TGM6: variants seen among roughly 807,000 people sequenced by gnomAD.
TGM6 encodes transglutaminase 6, also known as protein-glutamine gamma-glutamyltransferase 6.
Under a neutral mutation model 77.5 loss-of-function variants are expected in TGM6, and 74 were observed. That is an observed-to-expected ratio of 0.96 (90% CI 0.79 to 1.16). The LOEUF is 1.16. TGM6 is among the 50% of genes most tolerant of loss of function. TGM6 has a pLI of 0.00. For missense variants in TGM6, 968 were observed against 940.2 expected, an observed-to-expected ratio of 1.03 and a Z score of -0.39; for synonymous variants, 383 against 378.9, an observed-to-expected ratio of 1.01 and a Z score of -0.12.
In TGM6 at chr20:2,403,790, G is replaced by T. The variant is rs769042038; in HGVS notation, c.1303G>T (p.Val435Leu). 1 of 1,614,044 alleles carries T rather than the reference G, an allele frequency of 6.2e-7. No individual in the cohort carries two copies. The highest frequency in any genetic ancestry group is 8.5e-7 in the Non-Finnish European group (1 of 1,180,050). Residue 435 changes from valine (V) to leucine (L), a missense_variant, in exon 9 of 13, where the codon GTG becomes TTG. Coordinates refer to ENST00000202625, the MANE Select transcript of TGM6 (RefSeq NM_198994.3). ...CAAGGCGGTGGGCAGTGACTCCCGCGTGGACATCACTGACCTCTACAAGTA... is the reference window on the plus strand; with the variant it reads ...CAAGGCGGTGGGCAGTGACTCCCGCTTGGACATCACTGACCTCTACAAGTA... The part of the protein sequence containing the change: ...STKAVGSDSR[V>L]DITDLYKYPE...
At chr20:2,417,628 G>A (rs1296645827) in intron 10 of TGM6, 55 bp downstream of exon 10, 2 of 1,530,230 alleles carry the variant, frequency 1.3e-6, no homozygotes, top group African/African-American at 2.7e-5. Flanking sequence ...TTTTCAGGAG[G>A]GTTGTGGAGG....
At chr20:2,418,888 A>G (rs2084836571) in intron 10 of TGM6, among the ~76,000 whole-genome samples, 1 of 151,880 alleles carries the variant, frequency 6.6e-6, no homozygotes, top group Non-Finnish European at 1.5e-5. Flanking sequence ...CATCCTGGCT[A>G]ACACAGTGAA....
At chr20:2,386,202 C>T (rs760259216) in intron 1 of TGM6, among the ~76,000 whole-genome samples, 30 of 152,228 alleles carry the variant, frequency 2.0e-4, no homozygotes, top group African/African-American at 6.7e-4. Context: ...CTGAAATCAC[C>T]GGTAGTTCCC....
intron 10 of TGM6, among the ~76,000 whole-genome samples, chr20:2,428,514 G>T (rs1694678366): frequency 6.6e-6 from 1 of 152,122 alleles, no homozygotes; most frequent in Non-Finnish European, 1.5e-5. Flanking sequence ...CGCTGATGCT[G>T]CTGGTCCCAG....
intron 1 of TGM6, among the ~76,000 whole-genome samples, chr20:2,393,358 T>C (rs2084641012): frequency 6.6e-6 from 1 of 152,176 alleles, no homozygotes; most frequent in Non-Finnish European, 1.5e-5. Flanking sequence ...GTTGGTGATT[T>C]CTCTGTTTAA....
rs754053350 is a variant in TGM6, at chr20:2,403,517, G to A, written c.1093+17G>A. On this transcript the variant is annotated intron_variant, in intron 8 of 12. Transcript: ENST00000202625. ...AGAGTGAAGGTACGCTCAATTGGGT[G>A]GGGTAAGTTCCAGACCCCTGCTTTT... The A allele has an allele frequency of 1.2e-6, 2 of 1,614,140 alleles. No individual in the cohort carries two copies. The highest frequency in any genetic ancestry group is 4.5e-5 in the East Asian group (2 of 44,872).
chr20:2,429,762 C>T (rs538531315), intron 10 of TGM6, among the ~76,000 whole-genome samples: 4 of 150,964 alleles, frequency 2.6e-5, no homozygotes, highest in African/African-American at 4.9e-5. Flanking sequence ...AGCGAGACTC[C>T]GTCTCCAAAA....
At chr20:2,390,724 G>T (rs1237964434) in intron 1 of TGM6, among the ~76,000 whole-genome samples, 1 of 152,198 alleles carries the variant, frequency 6.6e-6, no homozygotes, top group East Asian at 1.9e-4. Flanking sequence ...GAGAGTAGGG[G>T]TGATTTGCAA....
chr20:2,403,956 T>C (rs1384790056), intron 9 of TGM6, 133 bp downstream of exon 9: 1 of 1,449,484 alleles, frequency 6.9e-7, no homozygotes, highest in Non-Finnish European at 9.5e-7. Flanking sequence ...ATTCACGTTG[T>C]CTCTGTGCTC....
intron 12 of TGM6, 45 bp downstream of exon 12, chr20:2,431,072 C>T: frequency 6.3e-7 from 1 of 1,581,958 alleles, no homozygotes; most frequent in South Asian, 1.1e-5. Flanking sequence ...GGCTCTCTTC[C>T]TTGTGGATGA....
chr20:2,396,582 C>G lies in TGM6; in HGVS notation c.501C>G (p.Gly167=). The G allele has an allele frequency of 1.9e-6, 3 of 1,614,158 alleles. No individual in the cohort carries two copies. Among genetic ancestry groups the G allele is most frequent in the Non-Finnish European group, 2.5e-6 (3 of 1,180,030 alleles). ...GCGACAGCGGCATCATCTTCCGAGGCGTGGAGAAGCACATACGAGCCCAGG... is the reference window on the plus strand; with the variant it reads ...GCGACAGCGGCATCATCTTCCGAGGGGTGGAGAAGCACATACGAGCCCAGG... ...VLSDSGIIFR[G]VEKHIRAQGW... The change falls in exon 4 of 13, where the codon GGC becomes GGG. Residue 167 remains glycine, a synonymous_variant. Coordinates refer to ENST00000202625, the MANE Select transcript of TGM6 (RefSeq NM_198994.3).
rs765902435 is a variant in TGM6, at chr20:2,400,414, C to A, written c.959C>A (p.Thr320Asn). 1.9e-6 allele frequency: 3 copies of A among 1,614,152 alleles called. No homozygotes were observed. The South Asian group carries it at 3.3e-5, about 18-fold the overall frequency. The change falls in exon 7 of 13, where the codon ACC becomes AAC. Residue 320 changes from threonine to asparagine, a missense_variant. Coordinates refer to ENST00000202625, the MANE Select transcript of TGM6 (RefSeq NM_198994.3). ...VDKYVDSFGR[T>N]LEDLTEDSMW... ...AAATACGTGGACTCCTTCGGGCGGA[C>A]CCTGGAGGACCTGACAGAAGACAGC...
intron 9 of TGM6, among the ~76,000 whole-genome samples, chr20:2,405,107 T>C (rs2084740596): frequency 6.6e-6 from 1 of 152,232 alleles, no homozygotes; most frequent in South Asian, 2.1e-4. Context: ...GTCTGTCACG[T>C]GGGACTGCTG....
intron 10 of TGM6, among the ~76,000 whole-genome samples, chr20:2,417,792 A>G (rs1356600931): frequency 6.6e-6 from 1 of 152,190 alleles, no homozygotes; most frequent in Non-Finnish European, 1.5e-5. Flanking sequence ...GCAAGTCCAC[A>G]TGCATCTGGT....
chr20:2,400,499 C>G, intron 7 of TGM6, 55 bp downstream of exon 7: 1 of 1,611,742 alleles, frequency 6.2e-7, no homozygotes. Context: ...GCAGGTGGAG[C>G]AAGGCCTCAT....
Position 2,403,806 on chromosome 20 carries a change from T to C in TGM6, c.1319T>C (p.Leu440Pro). The stretch of plus-strand genomic sequence containing the variant: ...GACTCCCGCGTGGACATCACTGACC[T>C]CTACAAGTATCCGGAAGGTAAGGGC... The part of the protein sequence containing the change: ...GSDSRVDITD[L>P]YKYPEGSRKE... Residue 440 changes from leucine to proline, a missense_variant, in exon 9 of 13, where the codon CTC becomes CCC. Physicochemically the swap from Leu to Pro is moderately conservative, Grantham distance 98. Coordinates refer to ENST00000202625, the MANE Select transcript of TGM6 (RefSeq NM_198994.3). 1 of 1,614,148 alleles carries C rather than the reference T, an allele frequency of 6.2e-7. No homozygotes were observed. Among genetic ancestry groups the C allele is most frequent in the East Asian group, 2.2e-5 (1 of 44,862 alleles).
intron 7 of TGM6, 128 bp downstream of exon 7, chr20:2,400,572 T>C: frequency 7.1e-7 from 1 of 1,405,600 alleles, no homozygotes. Context: ...CTGAGCCGGC[T>C]CTGGAGGGAG....
In TGM6 at chr20:2,380,992, T is replaced by C. The variant is rs1455283383; in HGVS notation, c.7+17T>C. ...ACATGGCAGGTAAGTGGGCAGAGCC[T>C]GGGGCCTTGGGACACCAGGGCTCAT... On this transcript the variant is annotated intron_variant, in intron 1 of 12. Coordinates refer to ENST00000202625, the MANE Select transcript of TGM6 (RefSeq NM_198994.3). 3 of 1,608,294 alleles carry C rather than the reference T, an allele frequency of 1.9e-6. No individual in the cohort carries two copies. Among genetic ancestry groups the C allele is most frequent in the Admixed American group, 1.7e-5 (1 of 59,168 alleles).
chr20:2,383,450 G>A (rs2084569566), intron 1 of TGM6, among the ~76,000 whole-genome samples: 1 of 152,172 alleles, frequency 6.6e-6, no homozygotes, highest in Non-Finnish European at 1.5e-5. Flanking sequence ...GAGCTCTGGG[G>A]CCAGCTGGTG....
Sources: allele counts gnomAD v4.1 joint callset (sites outside exome capture counted in the v4.1 genomes callset), GRCh38; gene constraint gnomAD v4.1.1; transcripts MANE v1.5; gene names NCBI Gene and HGNC (gene_info 2026-07-23, HGNC 2026-07-21).